CEP57: variants seen among roughly 807,000 people sequenced by gnomAD.
The protein encoded by CEP57 is centrosomal protein 57.
In CEP57, 40 loss-of-function variants were observed where a neutral mutation model predicts 68.0. The observed-to-expected ratio is 0.59, with a 90% CI of 0.46 to 0.77. CEP57 has a LOEUF of 0.77. Ranked by LOEUF, CEP57 falls within the 30% of genes least tolerant of loss-of-function variation. CEP57 has a pLI of 0.00. For synonymous variants in CEP57, 219 were observed against 198.7 expected (o/e 1.10, Z -0.86); for missense variants, 606 against 580.7 (o/e 1.04, Z -0.45).
intron 7 of CEP57, 155 bp downstream of exon 7, chr11:95,822,133 T>C: frequency 1.5e-6 from 1 of 654,046 alleles, no homozygotes. Context: ...TAATACCTAC[T>C]CCTAAATTTT....
At chr11:95,829,355 A>C in intron 10 of CEP57, 24 bp downstream of exon 10, 1 of 1,605,820 alleles carries the variant, frequency 6.2e-7, no homozygotes, top group Middle Eastern at 1.7e-4. Context: ...CCTTCACTCA[A>C]GTTTCTAATG....
chr11:95,803,956 G>A (rs1304393420), intron 2 of CEP57, among the ~76,000 whole-genome samples: 1 of 151,924 alleles, frequency 6.6e-6, no homozygotes, highest in African/African-American at 2.4e-5. Flanking sequence ...GAAACTCCCA[G>A]AAAAAGAGGT....
At chr11:95,792,208 A>C (rs1431532113) in intron 1 of CEP57, among the ~76,000 whole-genome samples, 1 of 152,212 alleles carries the variant, frequency 6.6e-6, no homozygotes, top group Non-Finnish European at 1.5e-5. Flanking sequence ...GAAAAAAGTA[A>C]AAAACTATTG....
Position 95,832,536 on chromosome 11 carries a change from GAATT to G in CEP57, c.*1284_*1287del, listed in dbSNP as rs1345975622. 2 of 152,124 alleles carry G rather than the reference GAATT, an allele frequency of 1.3e-5. No individual in the cohort carries two copies. Among genetic ancestry groups the G allele is most frequent in the African/African-American group, 2.4e-5 (1 of 41,432 alleles). 9.4% of individuals were successfully genotyped at this position (152,124 alleles called of 1,614,324 possible). A position where few individuals can be genotyped will look rare whatever the true frequency, so the allele number is the denominator to read the frequency against. On this transcript the variant is annotated 3_prime_UTR_variant, in exon 11 of 11. Coordinates refer to ENST00000325542, the MANE Select transcript of CEP57 (RefSeq NM_014679.5). ...TAATGAGTAGGTTCGTAGCTTGATTGAATTAATAATTGTGAGCCCATAGACACAA... is the reference window on the plus strand; with the variant it reads ...TAATGAGTAGGTTCGTAGCTTGATTGAATAATTGTGAGCCCATAGACACAA...
chr11:95,811,525 C>A (rs1393704669), intron 2 of CEP57, among the ~76,000 whole-genome samples: 3 of 149,468 alleles, frequency 2.0e-5, no homozygotes, highest in Admixed American at 1.3e-4. Flanking sequence ...CACATGTATA[C>A]ATATGTAACA....
chr11:95,795,220 AATGTT>A (rs1409643302), intron 1 of CEP57, among the ~76,000 whole-genome samples: 1 of 152,166 alleles, frequency 6.6e-6, no homozygotes, highest in African/African-American at 2.4e-5. Flanking sequence ...CTTCTGTCTG[AATGTT>A]ATGTTACTCC....
In CEP57 at chr11:95,813,175, A is replaced by G. The variant is rs558378279; in HGVS notation, c.382+64A>G. 329 of 1,483,082 alleles carry G rather than the reference A, an allele frequency of 2.2e-4. 5 individuals are homozygous for G. The South Asian group carries it at 3.7e-3, about 17-fold the overall frequency. The allele number at this position is 1,483,082 out of a possible 1,614,324, so 91.9% of individuals were successfully genotyped here. On this transcript the variant is annotated intron_variant, in intron 3 of 10. Transcript: ENST00000325542. The stretch of plus-strand genomic sequence containing the variant: ...GTGTTGTGCAGTATTAAGTATTCTA[A>G]AAGAAATAGTACATTAGTGTTTTGT...
At chr11:95,791,135 G>A (rs1460474757) in intron 1 of CEP57, among the ~76,000 whole-genome samples, 1 of 152,184 alleles carries the variant, frequency 6.6e-6, no homozygotes, top group Non-Finnish European at 1.5e-5. Flanking sequence ...GCGCCAGTGT[G>A]TTTAAGAGAC....
intron 1 of CEP57, among the ~76,000 whole-genome samples, chr11:95,791,155 T>C (rs919654179): frequency 6.6e-6 from 1 of 152,170 alleles, no homozygotes; most frequent in Non-Finnish European, 1.5e-5. Context: ...CGTTGCAGAA[T>C]AGTAGTCCGC....
chr11:95,805,871 T>C (rs1294917408), intron 2 of CEP57, among the ~76,000 whole-genome samples: 1 of 152,206 alleles, frequency 6.6e-6, no homozygotes, highest in Non-Finnish European at 1.5e-5. Flanking sequence ...GTATGATCAA[T>C]TTGACATTTA....
chr11:95,810,119 A>C (rs536683125), intron 2 of CEP57, among the ~76,000 whole-genome samples: 357 of 152,348 alleles, frequency 2.3e-3, no homozygotes, highest in Admixed American at 7.1e-3. Context: ...ATCTCAGTAG[A>C]TGCAGAAAAG....
chr11:95,803,204 T>C (rs1861655009), intron 2 of CEP57, among the ~76,000 whole-genome samples: 1 of 152,124 alleles, frequency 6.6e-6, no homozygotes, highest in Non-Finnish European at 1.5e-5. Context: ...GGGGTATGAT[T>C]AGGACAGATG....
At chr11:95,812,791 CA>C (rs202041684) in intron 2 of CEP57, 140 bp from the exon 3 acceptor site, 1 of 790,956 alleles carries the variant, frequency 1.3e-6, no homozygotes, top group Non-Finnish European at 2.2e-6. Flanking sequence ...AGATAATTAA[CA>C]TTTTATTGTT....
intron 6 of CEP57, among the ~76,000 whole-genome samples, chr11:95,821,217 G>GT (rs929266227): frequency 6.6e-5 from 10 of 151,912 alleles, no homozygotes; most frequent in Admixed American, 1.3e-4. Flanking sequence ...GTTTTGTTTT[G>GT]TTTTTTTAAA....
At chr11:95,806,684 G>A (rs558252632) in intron 2 of CEP57, among the ~76,000 whole-genome samples, 95 of 152,302 alleles carry the variant, frequency 6.2e-4, no homozygotes, top group African/African-American at 2.0e-3. Context: ...AGGGGCATCC[G>A]CAATTGCTGA....
chr11:95,802,346 C>G (rs12791577), intron 2 of CEP57, among the ~76,000 whole-genome samples: 4,952 of 151,668 alleles, frequency 0.033, 102 homozygotes, highest in Non-Finnish European at 0.051. Context: ...CCTCTGCCTC[C>G]CAGGTTCAAG....
chr11:95,806,352 C>T (rs143920566), intron 2 of CEP57, among the ~76,000 whole-genome samples: 90 of 152,250 alleles, frequency 5.9e-4, no homozygotes, highest in African/African-American at 2.0e-3. Flanking sequence ...ACTGAGATAC[C>T]GGGTTCATCT....
intron 8 of CEP57, 99 bp from the exon 9 acceptor site, chr11:95,827,687 T>C (rs1407008219): frequency 1.9e-5 from 25 of 1,339,624 alleles, no homozygotes; most frequent in Middle Eastern, 2.1e-4. Flanking sequence ...ATACTCTACT[T>C]TAGGGGGTGG....
rs1377080839 is a variant in CEP57, at chr11:95,790,742, C to T, written c.44C>T (p.Ser15Leu). The change falls in exon 1 of 11, where the codon TCG (serine) becomes TTG (leucine). Residue 15 changes from serine to leucine, a missense_variant and splice_region_variant. Coordinates refer to ENST00000325542, the MANE Select transcript of CEP57 (RefSeq NM_014679.5). ...TCTGCGGCTTCTGGTTCTCACTTGT[C>T]GGTAAGAAGCAGTTGGCGCGAGTGG... The part of the protein sequence containing the change: ...SVSAASGSHL[S>L]NSFAEPSRSN... The T allele has an allele frequency of 6.8e-6, 11 of 1,613,920 alleles. No homozygotes were observed. Among genetic ancestry groups the T allele is most frequent in the Admixed American group, 1.7e-5 (1 of 60,008 alleles).
Sources: gnomAD v4.1 joint callset for allele counts (sites outside exome capture counted in the v4.1 genomes callset) on GRCh38, gnomAD v4.1.1 for gene constraint, MANE v1.5 for transcripts, NCBI Gene and HGNC (gene_info 2026-07-23, HGNC 2026-07-21) for gene names.